Variants in DLGAP1 observed in about 807,000 individuals in gnomAD.
The protein encoded by DLGAP1 is disks large-associated protein 1.
DLGAP1 carries 11 observed loss-of-function variants against 90.8 expected under a neutral mutation model. The observed-to-expected ratio is 0.12, with a 90% CI of 0.08 to 0.20. DLGAP1 has a LOEUF of 0.20. DLGAP1 is among the 10% of genes least tolerant of loss of function. DLGAP1 has a pLI of 1.00. For missense variants in DLGAP1, 1,050 were observed against 1,333.8 expected (o/e 0.79, Z 3.31); for synonymous variants, 558 against 540.7 (o/e 1.03, Z -0.44).
At chr18:3,628,896 G>A (rs1309381325) in intron 7 of DLGAP1, among the ~76,000 whole-genome samples, 1 of 152,052 alleles carries the variant, frequency 6.6e-6, no homozygotes, top group South Asian at 2.1e-4. Flanking sequence ...TACTATAGAT[G>A]GATATTTAGG....
chr18:3,795,266 TA>T (rs1469079661), intron 5 of DLGAP1, among the ~76,000 whole-genome samples: 1 of 152,174 alleles, frequency 6.6e-6, no homozygotes, highest in African/African-American at 2.4e-5. Context: ...GAAACTAAGC[TA>T]AACACTTATT....
intron 9 of DLGAP1, among the ~76,000 whole-genome samples, chr18:3,535,884 A>T (rs2052343204): frequency 6.7e-6 from 1 of 149,380 alleles, no homozygotes; most frequent in Non-Finnish European, 1.5e-5. Context: ...ATACAAAAAA[A>T]ATTAGCTGGG....
At chr18:4,079,486 G>A (rs557757420) in intron 2 of DLGAP1, among the ~76,000 whole-genome samples, 2 of 151,958 alleles carry the variant, frequency 1.3e-5, no homozygotes, top group South Asian at 4.2e-4. Flanking sequence ...CTAAGCTATG[G>A]GTACACAAAG....
chr18:3,601,055 TATATAG>T (rs937199340), intron 7 of DLGAP1, among the ~76,000 whole-genome samples: 1 of 140,806 alleles, frequency 7.1e-6, no homozygotes, highest in African/African-American at 2.8e-5. Context: ...TATAGATAGA[TATATAG>T]ATATATAGAT....
intron 7 of DLGAP1, among the ~76,000 whole-genome samples, chr18:3,701,220 G>A (rs186262940): frequency 4.6e-5 from 7 of 152,216 alleles, no homozygotes; most frequent in Non-Finnish European, 8.8e-5. Context: ...CTCATCAGAG[G>A]AGCCAAATGC....
intron 1 of DLGAP1, among the ~76,000 whole-genome samples, chr18:4,175,669 T>C (rs1266701740): frequency 6.6e-6 from 1 of 152,220 alleles, no homozygotes; most frequent in Non-Finnish European, 1.5e-5. Flanking sequence ...ATTTATTGAA[T>C]AGGAGATCCT....
intron 5 of DLGAP1, among the ~76,000 whole-genome samples, chr18:3,777,167 T>TA (rs1383084722): frequency 2.0e-5 from 3 of 152,184 alleles, no homozygotes; most frequent in Admixed American, 6.5e-5. Flanking sequence ...CCCCATACAT[T>TA]AAAAAAACTT....
intron 1 of DLGAP1, among the ~76,000 whole-genome samples, chr18:4,235,861 G>A (rs553142372): frequency 6.6e-6 from 1 of 152,036 alleles, no homozygotes; most frequent in South Asian, 2.1e-4. Flanking sequence ...TAGTAGCTGG[G>A]ATTGCAGGCA....
At chr18:3,690,225 T>C (rs1446662249) in intron 7 of DLGAP1, among the ~76,000 whole-genome samples, 2 of 151,662 alleles carry the variant, frequency 1.3e-5, no homozygotes, top group Non-Finnish European at 2.9e-5. Context: ...TAGTTGGGAC[T>C]GCAGGCATGT....
chr18:3,615,422 C>G (rs373440501), intron 7 of DLGAP1, among the ~76,000 whole-genome samples: 1 of 152,092 alleles, frequency 6.6e-6, no homozygotes, highest in East Asian at 1.9e-4. Flanking sequence ...GGCTTCAGGA[C>G]GACCTTTTTT....
intron 1 of DLGAP1, among the ~76,000 whole-genome samples, chr18:4,341,368 A>G (rs1458029625): frequency 6.6e-6 from 1 of 152,148 alleles, no homozygotes; most frequent in East Asian, 1.9e-4. Context: ...CTCTTAACAA[A>G]TTAATAAAAC....
chr18:3,726,332 T>C (rs1288461195), intron 7 of DLGAP1, among the ~76,000 whole-genome samples: 1 of 152,158 alleles, frequency 6.6e-6, no homozygotes, highest in African/African-American at 2.4e-5. Flanking sequence ...ATTTTCTGCA[T>C]TTTTCTACAG....
chr18:4,056,260 T>C (rs549689414), intron 2 of DLGAP1, among the ~76,000 whole-genome samples: 35 of 152,092 alleles, frequency 2.3e-4, no homozygotes, highest in Admixed American at 1.2e-3. Context: ...TAAGAAAGGT[T>C]TGGGCAGGCT....
At chr18:3,742,147 A>G (rs1278687267) in intron 6 of DLGAP1, among the ~76,000 whole-genome samples, 188 bp downstream of exon 6, 1 of 152,126 alleles carries the variant, frequency 6.6e-6, no homozygotes, top group Non-Finnish European at 1.5e-5. Context: ...CTGGCAGACC[A>G]TTGATACCGG....
At chr18:4,442,706 T>C (rs1276948407) in intron 1 of DLGAP1, among the ~76,000 whole-genome samples, 2 of 152,222 alleles carry the variant, frequency 1.3e-5, no homozygotes, top group African/African-American at 4.8e-5. Flanking sequence ...AAAAAGTTAA[T>C]GTCCTCATAT....
chr18:3,509,528 C>A (rs1401592517), intron 10 of DLGAP1, among the ~76,000 whole-genome samples: 1 of 152,172 alleles, frequency 6.6e-6, no homozygotes, highest in Non-Finnish European at 1.5e-5. Context: ...GGTGCAGCTG[C>A]CCTGCTACCC....
At chr18:4,099,339 C>G (rs2075740114) in intron 2 of DLGAP1, among the ~76,000 whole-genome samples, 1 of 95,116 alleles carries the variant, frequency 1.1e-5, no homozygotes, top group Non-Finnish European at 2.1e-5. Flanking sequence ...ATCTATCTAT[C>G]TATCTATCTG....
intron 3 of DLGAP1, among the ~76,000 whole-genome samples, chr18:3,889,543 G>A (rs1487556424): frequency 6.6e-6 from 1 of 152,144 alleles, no homozygotes; most frequent in Non-Finnish European, 1.5e-5. Context: ...GACCCCAAAA[G>A]TGCAGACATT....
At chr18:3,993,582 G>C (rs117002848) in intron 3 of DLGAP1, among the ~76,000 whole-genome samples, 225 of 152,226 alleles carry the variant, frequency 1.5e-3, no homozygotes, top group Non-Finnish European at 1.7e-3. Context: ...TTTTGCATTT[G>C]AATTATTATT....
Sources: allele counts gnomAD v4.1 joint callset (sites outside exome capture counted in the v4.1 genomes callset), GRCh38; gene constraint gnomAD v4.1.1; transcripts MANE v1.5; gene names NCBI Gene and HGNC (gene_info 2026-07-23, HGNC 2026-07-21).